Variants in MRPL37 observed in about 807,000 individuals in gnomAD.
The protein encoded by MRPL37 is large ribosomal subunit protein mL37.
Under a neutral mutation model 44.1 loss-of-function variants are expected in MRPL37, and 34 were observed. The ratio of observed to expected loss-of-function variants is 0.77; its 90% confidence interval spans 0.59 to 1.03. The LOEUF (loss-of-function observed/expected upper bound fraction) is 1.03, where lower values mean the gene tolerates loss of function less well. Among genes scored for constraint, MRPL37 ranks in the 50% least tolerant of loss-of-function variants. MRPL37 has a pLI of 0.00. For synonymous variants in MRPL37, 212 were observed against 219.5 expected (o/e 0.97, Z 0.30); for missense variants, 532 against 543.7 (o/e 0.98, Z 0.21).
chr1:54,204,297 G>A (rs34912156), intron 1 of MRPL37, among the ~76,000 whole-genome samples: 2,404 of 152,024 alleles, frequency 0.016, 49 homozygotes, highest in East Asian at 0.069. Flanking sequence ...CAGGAGAATC[G>A]CTTGAACCTG....
intron 3 of MRPL37, among the ~76,000 whole-genome samples, chr1:54,208,670 C>G (rs1355498243): frequency 6.6e-6 from 1 of 151,092 alleles, no homozygotes; most frequent in African/African-American, 2.4e-5. Flanking sequence ...TCCTTAAATT[C>G]TGCCACGGAG....
At chr1:54,200,936 C>T (rs958851104) in intron 1 of MRPL37, among the ~76,000 whole-genome samples, 5 of 152,212 alleles carry the variant, frequency 3.3e-5, no homozygotes, top group Non-Finnish European at 5.9e-5. Context: ...ATTGACCTTT[C>T]CAGGTCTGAC....
chr1:54,216,640 T>C (rs1644199929), intron 6 of MRPL37, among the ~76,000 whole-genome samples: 1 of 152,200 alleles, frequency 6.6e-6, no homozygotes, highest in Non-Finnish European at 1.5e-5. Flanking sequence ...GCTCCTTTTG[T>C]CTGGGAGGCT....
intron 1 of MRPL37, among the ~76,000 whole-genome samples, chr1:54,201,159 G>GT (rs1367209975): frequency 6.6e-6 from 1 of 152,166 alleles, no homozygotes; most frequent in African/African-American, 2.4e-5. Context: ...GGAGAAGCTT[G>GT]TTTATCCCTT....
intron 4 of MRPL37, among the ~76,000 whole-genome samples, chr1:54,211,798 G>A (rs556484596): frequency 2.0e-5 from 3 of 152,232 alleles, no homozygotes; most frequent in Admixed American, 6.5e-5. Context: ...CAGCCTTCCC[G>A]ACGTCTTTCT....
At chr1:54,204,330 C>T (rs934763628) in intron 1 of MRPL37, among the ~76,000 whole-genome samples, 4 of 151,718 alleles carry the variant, frequency 2.6e-5, no homozygotes, top group South Asian at 2.1e-4. Flanking sequence ...TGTGGTGAGC[C>T]GAGATCATGC....
chr1:54,200,692 G>A, intron 1 of MRPL37, 103 bp downstream of exon 1: 5 of 1,312,764 alleles, frequency 3.8e-6, no homozygotes, highest in Non-Finnish European at 5.2e-6. Flanking sequence ...GTGGGTCTTG[G>A]TTTCTTCGTC....
chr1:54,215,568 C>T (rs769590402), intron 5 of MRPL37, among the ~76,000 whole-genome samples: 4 of 152,098 alleles, frequency 2.6e-5, no homozygotes, highest in Non-Finnish European at 5.9e-5. Flanking sequence ...AATGTGACTG[C>T]CAGGCCCTTA....
chr1:54,223,546 G>A (rs1033360593), downstream of MRPL37, among the ~76,000 whole-genome samples: 2 of 152,190 alleles, frequency 1.3e-5, no homozygotes, highest in African/African-American at 4.8e-5. Flanking sequence ...TGGTGTCAGC[G>A]ACTTGCCTTA....
chr1:54,225,436 GAA>G, downstream of MRPL37: 1 of 1,227,600 alleles, frequency 8.1e-7, no homozygotes, highest in Admixed American at 4.2e-5. Context: ...AAGGGCTGCG[GAA>G]AAAAGATGTC....
At chr1:54,214,461 C>T (rs1380110284) in intron 5 of MRPL37, among the ~76,000 whole-genome samples, 1 of 152,142 alleles carries the variant, frequency 6.6e-6, no homozygotes, top group African/African-American at 2.4e-5. Context: ...CCTGAAGGCT[C>T]CGAAAGATTA....
chr1:54,224,153 T>C (rs1232163170), downstream of MRPL37, among the ~76,000 whole-genome samples: 2 of 151,182 alleles, frequency 1.3e-5, no homozygotes, highest in Admixed American at 6.6e-5. Flanking sequence ...CAACCTCCTT[T>C]CCCCAGCCCT....
intron 6 of MRPL37, among the ~76,000 whole-genome samples, chr1:54,217,118 C>T (rs540082531): frequency 6.6e-6 from 1 of 152,234 alleles, no homozygotes; most frequent in African/African-American, 2.4e-5. Context: ...ACTGCGAAAG[C>T]GGAGTAGGGG....
At chr1:54,203,155 T>TTTTA (rs777070100) in intron 1 of MRPL37, among the ~76,000 whole-genome samples, 44 of 152,276 alleles carry the variant, frequency 2.9e-4, no homozygotes, top group African/African-American at 8.2e-4. Context: ...ATACACCATC[T>TTTTA]TTTATTTATT....
At chr1:54,200,816 G>A (rs1644074931) in intron 1 of MRPL37, among the ~76,000 whole-genome samples, 1 of 152,262 alleles carries the variant, frequency 6.6e-6, no homozygotes, top group South Asian at 2.1e-4. Flanking sequence ...CATGAAAAGA[G>A]CTGCTTTCTA....
Position 54,200,499 on chromosome 1 carries a change from A to C in MRPL37, c.256A>C (p.Arg86=). The change falls in exon 1 of 7, where the codon AGG becomes CGG. Residue 86 remains arginine (R), a synonymous_variant. Transcript: ENST00000360840. ...CTGGGACCGCGGCTACAAGGACCCA[A>C]GGTTCTACCGCTCGCCCCCTCTTCA... ...PPWDRGYKDP[R]FYRSPPLHEH... The C allele has an allele frequency of 6.2e-7, 1 of 1,614,186 alleles. No individual in the cohort carries two copies. The highest frequency in any genetic ancestry group is 8.5e-7 in the Non-Finnish European group (1 of 1,180,030).
intron 5 of MRPL37, 70 bp downstream of exon 5, chr1:54,212,728 A>G: frequency 6.3e-7 from 1 of 1,589,932 alleles, no homozygotes. Flanking sequence ...GTTACTGCTC[A>G]GAGGAAGAAA....
At chr1:54,218,114 T>C (rs746230936) in intron 6 of MRPL37, 58 bp from the exon 7 acceptor site, 27 of 1,461,432 alleles carry the variant, frequency 1.8e-5, no homozygotes, top group Non-Finnish European at 2.6e-5. Flanking sequence ...CCAATCTTTG[T>C]TTTAATTGCT....
rs778001138 is a variant in MRPL37, at chr1:54,210,132, G to T, written c.832+1G>T. ...ATTTATGATGTGAAAAATGACACAGGTAAGGATCAATGTCTTGGACTTTTA... is the reference window on the plus strand; with the variant it reads ...ATTTATGATGTGAAAAATGACACAGTTAAGGATCAATGTCTTGGACTTTTA... On this transcript the variant is annotated splice_donor_variant, in intron 4 of 6. Transcript: ENST00000360840. LOFTEE classifies it high-confidence loss of function. The T allele has an allele frequency of 1.9e-6, 3 of 1,613,152 alleles. No homozygotes were observed. Among genetic ancestry groups the T allele is most frequent in the Admixed American group, 3.3e-5 (2 of 60,000 alleles).
Sources: gnomAD v4.1 joint callset for allele counts (sites outside exome capture counted in the v4.1 genomes callset) on GRCh38, gnomAD v4.1.1 for gene constraint, MANE v1.5 for transcripts, NCBI Gene and HGNC (gene_info 2026-07-23, HGNC 2026-07-21) for gene names.